Variants in DRC11 observed in about 807,000 individuals in gnomAD.
DRC11 encodes dynein regulatory complex subunit 11.
At chr2:236,360,440 A>G in the DRC11 span, among the ~76,000 whole-genome samples, 1 of 152,226 alleles carries the variant, frequency 6.6e-6, no homozygotes, top group East Asian at 1.9e-4. The surrounding 1 kb of genome is among the most constrained non-coding windows in gnomAD (Gnocchi z 5.8). Context: ...ATATTTTTAT[A>G]TTTATGTGCT....
At chr2:236,413,540 T>C in the DRC11 span, among the ~76,000 whole-genome samples, 1 of 152,192 alleles carries the variant, frequency 6.6e-6, no homozygotes, top group Non-Finnish European at 1.5e-5. This position sits in a 1 kb window ranked among gnomAD's most constrained non-coding sequence, Gnocchi z 4.0. Flanking sequence ...AAGAATGTGG[T>C]TGGCTTAATG....
At chr2:236,430,198 A>AACACACACAC in the DRC11 span, among the ~76,000 whole-genome samples, 19 of 149,202 alleles carry the variant, frequency 1.3e-4, no homozygotes, top group East Asian at 1.4e-3. This position sits in a 1 kb window ranked among gnomAD's most constrained non-coding sequence, Gnocchi z 6.0. Flanking sequence ...ATATACATAT[A>AACACACACAC]ACACACACAC....
chr2:236,460,494 G>A, the DRC11 span, among the ~76,000 whole-genome samples: 1 of 152,108 alleles, frequency 6.6e-6, no homozygotes, highest in Non-Finnish European at 1.5e-5. This position sits in a 1 kb window ranked among gnomAD's most constrained non-coding sequence, Gnocchi z 4.0. Context: ...GGTGCCCAAG[G>A]TATTATACTC....
At chr2:236,362,907 C>T in the DRC11 span, among the ~76,000 whole-genome samples, 1 of 152,180 alleles carries the variant, frequency 6.6e-6, no homozygotes, top group African/African-American at 2.4e-5. The surrounding 1 kb of genome is among the most constrained non-coding windows in gnomAD (Gnocchi z 5.7). Context: ...ACTGCTGTCG[C>T]TCCCTAGTTT....
chr2:236,506,714 AATT>A, the DRC11 span, among the ~76,000 whole-genome samples: 1 of 152,236 alleles, frequency 6.6e-6, no homozygotes, highest in Non-Finnish European at 1.5e-5. This position sits in a 1 kb window ranked among gnomAD's most constrained non-coding sequence, Gnocchi z 4.9. Flanking sequence ...ACCTGTTGGA[AATT>A]ATTCTTACGA....
chr2:236,328,849 T>C, the DRC11 span, among the ~76,000 whole-genome samples: 1 of 152,356 alleles, frequency 6.6e-6, no homozygotes, highest in East Asian at 1.9e-4. This position sits in a 1 kb window ranked among gnomAD's most constrained non-coding sequence, Gnocchi z 6.7. Context: ...ATTTTATTGC[T>C]GCTGTGGCAA....
At chr2:236,497,108 A>G in the DRC11 span, 6 of 1,325,226 alleles carry the variant, frequency 4.5e-6, no homozygotes, top group Admixed American at 2.3e-5. The surrounding 1 kb of genome is among the most constrained non-coding windows in gnomAD (Gnocchi z 5.1). Context: ...TATCGGGTAC[A>G]TATCTTATTT....
At chr2:236,355,507 G>A in the DRC11 span, among the ~76,000 whole-genome samples, 1 of 152,168 alleles carries the variant, frequency 6.6e-6, no homozygotes, top group Non-Finnish European at 1.5e-5. Context: ...ACCCACTCAA[G>A]ACTCAGGGCA....
At chr2:236,446,450 C>T in the DRC11 span, among the ~76,000 whole-genome samples, 2 of 152,188 alleles carry the variant, frequency 1.3e-5, no homozygotes, top group Non-Finnish European at 2.9e-5. The surrounding 1 kb of genome is among the most constrained non-coding windows in gnomAD (Gnocchi z 6.2). Flanking sequence ...AATTACAGGG[C>T]GTCAGGAAGA....
chr2:236,501,077 C>T, the DRC11 span, among the ~76,000 whole-genome samples: 23 of 152,258 alleles, frequency 1.5e-4, no homozygotes, highest in Non-Finnish European at 2.4e-4. Context: ...GCAGCATCTG[C>T]GTCTGGGGTG....
At chr2:236,401,479 G>A in the DRC11 span, among the ~76,000 whole-genome samples, 1 of 152,210 alleles carries the variant, frequency 6.6e-6, no homozygotes, top group African/African-American at 2.4e-5. The surrounding 1 kb of genome is among the most constrained non-coding windows in gnomAD (Gnocchi z 4.6). Context: ...CTTGGCCTGT[G>A]TGCGACATTT....
chr2:236,503,208 T>C, the DRC11 span, among the ~76,000 whole-genome samples: 3 of 152,216 alleles, frequency 2.0e-5, no homozygotes, highest in Non-Finnish European at 2.9e-5. The surrounding 1 kb of genome is among the most constrained non-coding windows in gnomAD (Gnocchi z 4.9). Flanking sequence ...TGGGGTGATC[T>C]GAACCCCACA....
the DRC11 span, among the ~76,000 whole-genome samples, chr2:236,316,624 A>T: frequency 6.6e-6 from 1 of 152,242 alleles, no homozygotes; most frequent in South Asian, 2.1e-4. This position sits in a 1 kb window ranked among gnomAD's most constrained non-coding sequence, Gnocchi z 6.8. Context: ...AGCGGGTTTT[A>T]TTAAAAAGTA....
chr2:236,421,626 G>C, the DRC11 span, among the ~76,000 whole-genome samples: 1 of 152,148 alleles, frequency 6.6e-6, no homozygotes, highest in Admixed American at 6.5e-5. Context: ...AATTCTACCA[G>C]AGGTACAAGG....
chr2:236,463,259 A>C, the DRC11 span, among the ~76,000 whole-genome samples: 1 of 152,178 alleles, frequency 6.6e-6, no homozygotes, highest in Non-Finnish European at 1.5e-5. The surrounding 1 kb of genome is among the most constrained non-coding windows in gnomAD (Gnocchi z 5.0). Flanking sequence ...CCATCCCCAG[A>C]AAGCAAGGAG....
the DRC11 span, among the ~76,000 whole-genome samples, chr2:236,491,558 C>A: frequency 6.6e-6 from 1 of 152,028 alleles, no homozygotes; most frequent in Non-Finnish European, 1.5e-5. Context: ...GTAGTGAGTG[C>A]AACGTAATCT....
At chr2:236,357,089 T>TTTATATATTCGTATATTATATCTATATA in the DRC11 span, among the ~76,000 whole-genome samples, 29 of 56,984 alleles carry the variant, frequency 5.1e-4, 4 homozygotes, top group Non-Finnish European at 7.3e-4. Flanking sequence ...ATCTATATAT[T>TTTATATATTCGTATATTATATCTATATA]TTATATATTC....
chr2:236,478,256 T>G, the DRC11 span, among the ~76,000 whole-genome samples: 1 of 152,172 alleles, frequency 6.6e-6, no homozygotes, highest in Admixed American at 6.5e-5. This position sits in a 1 kb window ranked among gnomAD's most constrained non-coding sequence, Gnocchi z 5.9. Flanking sequence ...CAATTTTCAT[T>G]TGTTTCAGGA....
chr2:236,349,054 C>T, the DRC11 span, among the ~76,000 whole-genome samples: 2 of 152,290 alleles, frequency 1.3e-5, no homozygotes, highest in African/African-American at 4.8e-5. This position sits in a 1 kb window ranked among gnomAD's most constrained non-coding sequence, Gnocchi z 5.5. Flanking sequence ...CTACCCAAGC[C>T]AGAGGCCTGG....
Sources: gnomAD v4.1 joint callset for allele counts (sites outside exome capture counted in the v4.1 genomes callset) on GRCh38, gnomAD v4.1.1 for gene constraint, Gnocchi (gnomAD v3.1) non-coding constraint, MANE v1.5 for transcripts, NCBI Gene and HGNC (gene_info 2026-07-23, HGNC 2026-07-21) for gene names.